Variants in PDSS2 observed in about 807,000 individuals in gnomAD.
The protein encoded by PDSS2 is all trans-polyprenyl-diphosphate synthase PDSS2.
Under a neutral mutation model 44.5 loss-of-function variants are expected in PDSS2, and 31 were observed. That is an observed-to-expected ratio of 0.70 (90% confidence interval 0.52 to 0.94). The LOEUF is 0.94. Among genes scored for constraint, PDSS2 ranks in the 40% least tolerant of loss-of-function variants. PDSS2 has a pLI of 0.00. For missense variants in PDSS2, 452 were observed against 482.2 expected, an observed-to-expected ratio of 0.94 and a Z score of 0.59; for synonymous variants, 157 against 180.3, an observed-to-expected ratio of 0.87 and a Z score of 1.03.
At chr6:107,276,730 C>A (rs1447705837) in intron 2 of PDSS2, among the ~76,000 whole-genome samples, 1 of 152,232 alleles carries the variant, frequency 6.6e-6, no homozygotes, top group Non-Finnish European at 1.5e-5. Context: ...GACCATATGA[C>A]TTGTTTGGTC....
At chr6:107,241,422 C>T (rs1180879753) in intron 4 of PDSS2, among the ~76,000 whole-genome samples, 2 of 141,890 alleles carry the variant, frequency 1.4e-5, no homozygotes, top group African/African-American at 2.6e-5. Flanking sequence ...TATCGGCTCA[C>T]TGCAAGCTCT....
chr6:107,280,162 C>G (rs1302388034), intron 2 of PDSS2, among the ~76,000 whole-genome samples: 2 of 152,110 alleles, frequency 1.3e-5, no homozygotes, highest in Non-Finnish European at 2.9e-5. Flanking sequence ...CAGGTTCAAG[C>G]AATTCTCATG....
intron 4 of PDSS2, among the ~76,000 whole-genome samples, chr6:107,226,052 T>TGC (rs1773808749): frequency 6.6e-6 from 1 of 152,194 alleles, no homozygotes; most frequent in Non-Finnish European, 1.5e-5. Context: ...CTCACGCCTG[T>TGC]AATCCCAGCA....
intron 7 of PDSS2, among the ~76,000 whole-genome samples, chr6:107,159,478 G>A (rs541692410): frequency 3.9e-4 from 59 of 149,506 alleles, no homozygotes; most frequent in African/African-American, 9.9e-4. Context: ...ATGCAGTGGC[G>A]CGATCTTGGC....
At chr6:107,291,010 A>ATATCAAGCTTTTTC (rs1776328321) in intron 2 of PDSS2, among the ~76,000 whole-genome samples, 1 of 90,010 alleles carries the variant, frequency 1.1e-5, no homozygotes, top group Non-Finnish European at 2.3e-5. Flanking sequence ...CAAACCGTTA[A>ATATCAAGCTTTTTC]AAAAAAAAAA....
intron 1 of PDSS2, among the ~76,000 whole-genome samples, chr6:107,404,741 TGTG>T (rs1312686132): frequency 6.6e-6 from 1 of 152,114 alleles, no homozygotes; most frequent in African/African-American, 2.4e-5. Flanking sequence ...TCTCATGACA[TGTG>T]GGGATTATGG....
rs549702853 is a variant in PDSS2, at chr6:107,432,158, T to A, written c.296+26832A>T. 1.4e-3 allele frequency among the ~76,000 whole-genome samples: 211 copies of A among 152,272 alleles called. 3 individuals are homozygous for A. Among genetic ancestry groups the A allele is most frequent in the African/African-American group, 4.8e-3 (199 of 41,550 alleles). On this transcript the variant is annotated intron_variant, in intron 1 of 7. Transcript: ENST00000369037. ...GAAGCAAACAGGTGGCAGAATAATA[T>A]CTAGCAGGAATTTAAAAGAAATTTT...
At chr6:107,362,926 A>C (rs1198110404) in intron 1 of PDSS2, among the ~76,000 whole-genome samples, 1 of 152,238 alleles carries the variant, frequency 6.6e-6, no homozygotes, top group Admixed American at 6.5e-5. Flanking sequence ...GATGTGAAAT[A>C]GCAGAAAAAG....
chr6:107,281,589 CCA>C (rs1775961754), intron 2 of PDSS2, among the ~76,000 whole-genome samples: 2 of 152,144 alleles, frequency 1.3e-5, no homozygotes, highest in Admixed American at 1.3e-4. Context: ...CTACTGAGGT[CCA>C]CTGTATGAAA....
intron 2 of PDSS2, among the ~76,000 whole-genome samples, chr6:107,322,448 G>A (rs1777409469): frequency 6.6e-6 from 1 of 152,186 alleles, no homozygotes; most frequent in Admixed American, 6.6e-5. Context: ...GAGCCTGGGA[G>A]GTGGAGGTTG....
chr6:107,440,426 CA>C (rs1583088828), intron 1 of PDSS2, among the ~76,000 whole-genome samples: 1 of 152,178 alleles, frequency 6.6e-6, no homozygotes. Context: ...CAGGCTCACA[CA>C]ATGGTGAAAT....
intron 6 of PDSS2, among the ~76,000 whole-genome samples, chr6:107,205,233 TAGTA>T (rs1158732473): frequency 6.6e-6 from 1 of 152,214 alleles, no homozygotes; most frequent in Non-Finnish European, 1.5e-5. Flanking sequence ...TGGTAATTTG[TAGTA>T]CACTTAAGGT....
At chr6:107,429,901 A>ATATATATATAT (rs1554280467) in intron 1 of PDSS2, among the ~76,000 whole-genome samples, 1 of 31,838 alleles carries the variant, frequency 3.1e-5, no homozygotes, top group Non-Finnish European at 5.3e-5. Flanking sequence ...AAAAAAAAAA[A>ATATATATATAT]ATATATATAT....
chr6:107,407,494 G>A (rs895486071), intron 1 of PDSS2, among the ~76,000 whole-genome samples: 3 of 152,140 alleles, frequency 2.0e-5, no homozygotes, highest in Admixed American at 1.3e-4. Context: ...CAGAGTTTTG[G>A]AGGTATGAGG....
At chr6:107,396,579 A>T (rs541707485) in intron 1 of PDSS2, among the ~76,000 whole-genome samples, 2 of 150,552 alleles carry the variant, frequency 1.3e-5, no homozygotes, top group Admixed American at 1.3e-4. Context: ...CTCATATCTG[A>T]TTGTGTGTCA....
intron 7 of PDSS2, among the ~76,000 whole-genome samples, chr6:107,171,955 C>A (rs1771593773): frequency 6.6e-6 from 1 of 151,404 alleles, no homozygotes; most frequent in African/African-American, 2.5e-5. Flanking sequence ...ATAAACAGCA[C>A]AATAAATACG....
At chr6:107,359,028 T>TTTTTTTA (rs1778678210) in intron 1 of PDSS2, among the ~76,000 whole-genome samples, 1 of 148,590 alleles carries the variant, frequency 6.7e-6, no homozygotes, top group African/African-American at 2.5e-5. Context: ...TTTTTTTTTT[T>TTTTTTTA]GAGATGAGTT....
intron 1 of PDSS2, among the ~76,000 whole-genome samples, chr6:107,359,703 G>C (rs374511824): frequency 6.6e-6 from 1 of 150,462 alleles, no homozygotes; most frequent in East Asian, 2.0e-4. Flanking sequence ...CCTGAGTATA[G>C]AAATAAAATC....
chr6:107,370,153 A>C (rs1189288368), intron 1 of PDSS2, among the ~76,000 whole-genome samples: 1 of 152,190 alleles, frequency 6.6e-6, no homozygotes, highest in East Asian at 1.9e-4. Flanking sequence ...ACCTTTGAGA[A>C]TATCACCTCA....
Sources: gnomAD v4.1 joint callset for allele counts (sites outside exome capture counted in the v4.1 genomes callset) on GRCh38, gnomAD v4.1.1 for gene constraint, MANE v1.5 for transcripts, NCBI Gene and HGNC (gene_info 2026-07-23, HGNC 2026-07-21) for gene names.